The following NTRK2 variants were observed in gnomAD, a reference collection of about 807,000 sequenced individuals.
NTRK2 encodes the protein neurotrophic receptor tyrosine kinase 2, also known as BDNF/NT-3 growth factors receptor.
A neutral mutation model predicts 94.5 loss-of-function variants in NTRK2; 13 were observed. The ratio of observed to expected loss-of-function variants is 0.14; its 90% CI spans 0.09 to 0.22. The LOEUF is 0.22. NTRK2 is among the 10% of genes least tolerant of loss of function. NTRK2 has a pLI of 1.00. For missense variants in NTRK2, 639 were observed against 1,071.2 expected (o/e 0.60, Z 5.63); for synonymous variants, 372 against 407.4 (o/e 0.91, Z 1.05).
chr9:84,903,885 A>C (rs2077002936), intron 14 of NTRK2, among the ~76,000 whole-genome samples: 1 of 152,114 alleles, frequency 6.6e-6, no homozygotes, highest in Non-Finnish European at 1.5e-5. Context: ...ATCCACCATT[A>C]CTGATGGCCT....
intron 17 of NTRK2, among the ~76,000 whole-genome samples, chr9:84,965,686 A>G (rs1481641367): frequency 6.6e-6 from 1 of 152,228 alleles, no homozygotes; most frequent in African/African-American, 2.4e-5. Context: ...CTAAGTTCTT[A>G]CAGATCATGA....
chr9:84,837,185 G>T (rs2073927409), intron 12 of NTRK2, among the ~76,000 whole-genome samples: 1 of 151,948 alleles, frequency 6.6e-6, no homozygotes, highest in South Asian at 2.1e-4. Flanking sequence ...ATCCTTTCAG[G>T]TAGGTGTTGT....
At chr9:84,889,040 G>A (rs1466312253) in intron 14 of NTRK2, among the ~76,000 whole-genome samples, 1 of 130,062 alleles carries the variant, frequency 7.7e-6, no homozygotes, top group African/African-American at 3.1e-5. Context: ...ACCCAGGCTG[G>A]AGTGCAGTGG....
At chr9:84,752,940 G>T (rs1311814982) in intron 12 of NTRK2, among the ~76,000 whole-genome samples, 1 of 152,192 alleles carries the variant, frequency 6.6e-6, no homozygotes, top group Non-Finnish European at 1.5e-5. Flanking sequence ...AGTAGGTCAG[G>T]TGGATTTTCT....
chr9:84,897,223 G>A (rs1003184999), intron 14 of NTRK2, among the ~76,000 whole-genome samples: 1 of 152,080 alleles, frequency 6.6e-6, no homozygotes, highest in Non-Finnish European at 1.5e-5. Context: ...TGCAACGTCC[G>A]ACTCCCTATT....
intron 6 of NTRK2, among the ~76,000 whole-genome samples, chr9:84,721,465 T>A: frequency 6.6e-6 from 1 of 152,160 alleles, no homozygotes; most frequent in East Asian, 1.9e-4. Context: ...CGTGAGCCAC[T>A]GCACCCGGCC....
At chr9:84,933,738 C>A (rs1051859323) in intron 14 of NTRK2, among the ~76,000 whole-genome samples, 1 of 152,208 alleles carries the variant, frequency 6.6e-6, no homozygotes, top group Non-Finnish European at 1.5e-5. Context: ...CCTTAGGAAT[C>A]TGAGATGGCT....
intron 12 of NTRK2, among the ~76,000 whole-genome samples, chr9:84,827,697 C>T (rs752699033): frequency 2.6e-5 from 4 of 152,114 alleles, no homozygotes; most frequent in African/African-American, 7.2e-5. Flanking sequence ...TCTGATTTTA[C>T]GCTAATTCTC....
rs1387182367 is a variant in NTRK2, at chr9:84,872,437, C to T, written c.1633+5006C>T. Reference sequence around the variant, plus strand: ...ATGTCCTCCCTAAAATTCTGTCTTCCCTAGAGCAGCCTTGTAAATTAGCTA... The same window carrying T: ...ATGTCCTCCCTAAAATTCTGTCTTCTCTAGAGCAGCCTTGTAAATTAGCTA... On this transcript the variant is annotated intron_variant, in intron 14 of 18. Transcript: ENST00000277120. The T allele has an allele frequency of 2.8e-6, 3 of 1,075,460 alleles. No individual in the cohort carries two copies. The East Asian group carries it at 1.4e-4, about 51-fold the overall frequency. 66.6% of individuals were successfully genotyped at this position (1,075,460 alleles called of 1,614,324 possible).
At chr9:84,796,868 AT>A (rs1257831340) in intron 12 of NTRK2, among the ~76,000 whole-genome samples, 2 of 152,072 alleles carry the variant, frequency 1.3e-5, no homozygotes, top group Non-Finnish European at 1.5e-5. Flanking sequence ...ATCTTAAATT[AT>A]TTTTTTCTTT....
At chr9:84,934,394 T>C (rs2078143503) in intron 15 of NTRK2, 102 bp downstream of exon 15, 2 of 1,250,938 alleles carry the variant, frequency 1.6e-6, no homozygotes, top group African/African-American at 1.5e-5. Flanking sequence ...AGGAGTAAAT[T>C]GTTCCTGCTA....
chr9:84,893,243 T>C (rs150680292), intron 14 of NTRK2, among the ~76,000 whole-genome samples: 51 of 152,322 alleles, frequency 3.3e-4, no homozygotes, highest in African/African-American at 1.1e-3. Flanking sequence ...CATAGATTCA[T>C]TTTGCCTGTT....
intron 14 of NTRK2, chr9:84,875,695 G>T (rs890186205): frequency 5.3e-5 from 56 of 1,053,860 alleles, no homozygotes; most frequent in Non-Finnish European, 6.2e-5. Context: ...TCTCCTTTTG[G>T]TCACTCCCAG....
intron 13 of NTRK2, among the ~76,000 whole-genome samples, chr9:84,864,491 A>G (rs11140791): frequency 0.11 from 17,456 of 152,140 alleles, 1,264 homozygotes; most frequent in East Asian, 0.22. Flanking sequence ...TCCCCAAACA[A>G]CTATTGAAAT....
chr9:85,020,478 T>G, intron 18 of NTRK2, 114 bp downstream of exon 18: 1 of 1,095,680 alleles, frequency 9.1e-7, no homozygotes, highest in Non-Finnish European at 1.4e-6. Context: ...CTTATGGGCT[T>G]TGTTGGTGGC....
chr9:84,799,785 G>A (rs959743282), intron 12 of NTRK2, among the ~76,000 whole-genome samples: 5 of 152,130 alleles, frequency 3.3e-5, no homozygotes, highest in African/African-American at 1.2e-4. Context: ...GGGGGTGGGA[G>A]AGGTGAGATG....
At chr9:84,895,084 G>A (rs879583888) in intron 14 of NTRK2, among the ~76,000 whole-genome samples, 13 of 152,206 alleles carry the variant, frequency 8.5e-5, no homozygotes, top group Non-Finnish European at 1.9e-4. Context: ...TGGGGAGACA[G>A]CAGGATATTG....
intron 12 of NTRK2, among the ~76,000 whole-genome samples, chr9:84,856,318 T>C (rs2075060870): frequency 6.6e-6 from 1 of 152,194 alleles, no homozygotes; most frequent in Non-Finnish European, 1.5e-5. Flanking sequence ...GGATATGTCC[T>C]TAAGTAAAAG....
intron 12 of NTRK2, among the ~76,000 whole-genome samples, chr9:84,787,637 T>C (rs2068259506): frequency 6.6e-6 from 1 of 152,202 alleles, no homozygotes; most frequent in Admixed American, 6.5e-5. Context: ...AAACCCTCAT[T>C]TTCAGTTCTA....
Sources: gnomAD v4.1 joint callset for allele counts (sites outside exome capture counted in the v4.1 genomes callset) on GRCh38, gnomAD v4.1.1 for gene constraint, MANE v1.5 for transcripts, NCBI Gene and HGNC (gene_info 2026-07-23, HGNC 2026-07-21) for gene names.